BCOR: variants seen among roughly 807,000 people sequenced by gnomAD.
BCOR encodes BCL6 corepressor.
A neutral mutation model predicts 86.7 loss-of-function variants in BCOR; 10 were observed. The ratio of observed to expected loss-of-function variants is 0.12; its 90% CI spans 0.07 to 0.20. The LOEUF (loss-of-function observed/expected upper bound fraction) is 0.20, where lower values mean the gene tolerates loss of function less well. Ranked by LOEUF, BCOR falls within the 10% of genes least tolerant of loss-of-function variation. The pLI is 1.00. For synonymous variants in BCOR, 611 were observed against 609.0 expected (o/e 1.00, Z -0.05); for missense variants, 1,259 against 1,452.1 (o/e 0.87, Z 2.16).
chrX:40,094,190 C>T (rs1461383633), intron 1 of BCOR, among the ~76,000 whole-genome samples: 1 of 111,726 alleles, frequency 9.0e-6, no homozygotes, highest in Admixed American at 9.4e-5. Flanking sequence ...CTCGCTGGGC[C>T]CGGAGGCTAG....
chrX:40,062,668 T>C, intron 9 of BCOR, 78 bp downstream of exon 9: 1 of 978,261 alleles, frequency 1.0e-6, no homozygotes, highest in South Asian at 2.0e-5. Context: ...AGGAAAGCTT[T>C]GTCCCCTCAA....
At chrX:40,113,161 G>A (rs1410506134) in intron 1 of BCOR, among the ~76,000 whole-genome samples, 2 of 105,511 alleles carry the variant, frequency 1.9e-5, no homozygotes, top group Non-Finnish European at 3.8e-5. Flanking sequence ...CACCCGCAAC[G>A]TGGCAGCTAG....
rs928834900 is a variant in BCOR, at chrX:40,064,602, G to C, written c.3239-3C>G. On this transcript the variant is annotated splice_polypyrimidine_tract_variant and splice_region_variant and intron_variant, in intron 6 of 14. Coordinates refer to ENST00000378444, the MANE Select transcript of BCOR (RefSeq NM_001123385.2). Reference sequence around the variant, plus strand: ...CTTGTTTCCAACACTATACTCGCCTGGGGGAGGGGAGACAAGAGGGCATTA... The same window carrying C: ...CTTGTTTCCAACACTATACTCGCCTCGGGGAGGGGAGACAAGAGGGCATTA... The C allele has an allele frequency of 8.3e-7, 1 of 1,210,459 alleles. No homozygotes were observed. Among genetic ancestry groups the C allele is most frequent in the Non-Finnish European group, 1.1e-6 (1 of 895,020 alleles).
At chrX:40,142,351 G>T (rs1237087453) in intron 1 of BCOR, among the ~76,000 whole-genome samples, 1 of 112,143 alleles carries the variant, frequency 8.9e-6, no homozygotes, top group African/African-American at 3.2e-5. Flanking sequence ...TTAAAGCCCT[G>T]GTGGCTCTTG....
chrX:40,132,329 G>GT lies in BCOR; in HGVS notation c.-41+44677dup, dbSNP rs756415217. On this transcript the variant is annotated intron_variant, in intron 1 of 14. Transcript: ENST00000342274. ...TTGTGAACAAAATCAAAGAGTTGGG[G>GT]TTTTTTTTGTTTGTTTTTGAGACAG... Among the ~76,000 whole-genome samples the GT allele has an allele frequency of 2.8e-3, 307 of 111,456 alleles. 1 individual carries two copies. Among genetic ancestry groups the GT allele is most frequent in the African/African-American group, 9.5e-3 (291 of 30,696 alleles).
intron 1 of BCOR, among the ~76,000 whole-genome samples, chrX:40,143,280 C>T (rs1937963791): frequency 8.9e-6 from 1 of 112,096 alleles, no homozygotes; most frequent in Non-Finnish European, 1.9e-5. Flanking sequence ...CCCTCCCTGC[C>T]GCCTTTCCCT....
At chrX:40,161,534 C>CT (rs1397500318) in intron 1 of BCOR, among the ~76,000 whole-genome samples, 2 of 65,864 alleles carry the variant, frequency 3.0e-5, no homozygotes, top group Non-Finnish European at 5.2e-5. Flanking sequence ...TTTTTTGAGA[C>CT]TGAGTCTCGC....
chrX:40,171,821 C>A (rs1938627519), intron 1 of BCOR, among the ~76,000 whole-genome samples: 1 of 113,382 alleles, frequency 8.8e-6, no homozygotes, highest in Non-Finnish European at 1.9e-5. Flanking sequence ...TCTCGCTGCT[C>A]GTCACGCGAA....
At chrX:40,061,659 G>C (rs1934878779) in intron 10 of BCOR, among the ~76,000 whole-genome samples, 1 of 90,885 alleles carries the variant, frequency 1.1e-5, no homozygotes, top group African/African-American at 4.2e-5. Context: ...AGAGACCTTA[G>C]GTCTGCCCCA....
chrX:40,077,892 C>T lies in BCOR; in HGVS notation c.38G>A (p.Ser13Asn). Residue 13 changes from serine (S) to asparagine (N), a missense_variant, in exon 2 of 15, where the codon AGC (serine) becomes AAC (asparagine). Physicochemically the swap from Ser to Asn is conservative, Grantham distance 46 (BLOSUM62 1). Coordinates refer to ENST00000378444, the MANE Select transcript of BCOR (RefSeq NM_001123385.2). ...GCGGACCCTCTCGCTGTTCATCCAG[C>T]TGTGAACGTTCCCATACAGGGGGGT... ...SATPLYGNVH[S>N]WMNSERVRMC... 1.6e-6 allele frequency: 2 copies of T among 1,212,239 alleles called. No individual in the cohort carries two copies. The highest frequency in any genetic ancestry group is 2.2e-6 in the Non-Finnish European group (2 of 895,484).
At chrX:40,062,698 G>A (rs980033487) in intron 9 of BCOR, 48 bp downstream of exon 9, 4 of 1,119,125 alleles carry the variant, frequency 3.6e-6, no homozygotes, top group African/African-American at 3.6e-5. Flanking sequence ...CAGGCAGGCG[G>A]GGATGTGTTC....
chrX:40,133,272 G>A (rs1937621476), intron 1 of BCOR, among the ~76,000 whole-genome samples: 1 of 107,407 alleles, frequency 9.3e-6, no homozygotes, highest in South Asian at 4.0e-4. Context: ...TGAGTGGCTG[G>A]GATTACAGGC....
intron 1 of BCOR, among the ~76,000 whole-genome samples, chrX:40,171,056 C>T (rs960620073): frequency 8.9e-6 from 1 of 112,079 alleles, no homozygotes; most frequent in Admixed American, 9.4e-5. Context: ...CACTCGCCCC[C>T]ACAAATTTCT....
chrX:40,089,909 T>C (rs1936523295), intron 1 of BCOR, among the ~76,000 whole-genome samples: 1 of 111,896 alleles, frequency 8.9e-6, no homozygotes, highest in Non-Finnish European at 1.9e-5. Context: ...AGCAAGATGT[T>C]CTATTGGGCC....
chrX:40,062,268 C>T lies in BCOR; in HGVS notation c.4299G>A (p.Gln1433=), dbSNP rs2147008149. 12 of 1,211,042 alleles carry T rather than the reference C, an allele frequency of 9.9e-6. No individual in the cohort carries two copies. The highest frequency in any genetic ancestry group is 1.3e-5 in the Non-Finnish European group (12 of 895,231). ...CCTGAGGGGAACTTGAGCATGGCAGCTGTGTGGACTGGGAGGCTGGTAGCA... is the reference window on the plus strand; with the variant it reads ...CCTGAGGGGAACTTGAGCATGGCAGTTGTGTGGACTGGGAGGCTGGTAGCA... The part of the protein sequence containing the change: ...QQLLPASQST[Q]LPCSSSPQET... Residue 1433 remains glutamine (Q), a synonymous_variant, in exon 10 of 15, where the codon CAG becomes CAA. Transcript: ENST00000378444.
intron 1 of BCOR, among the ~76,000 whole-genome samples, chrX:40,080,607 C>T (rs1359696434): frequency 9.0e-6 from 1 of 111,479 alleles, no homozygotes; most frequent in Non-Finnish European, 1.9e-5. Flanking sequence ...TCAGCAAAGT[C>T]CACCTGGACT....
intron 1 of BCOR, among the ~76,000 whole-genome samples, chrX:40,108,654 G>C (rs892623088): frequency 8.8e-6 from 1 of 113,456 alleles, no homozygotes; most frequent in South Asian, 3.5e-4. Flanking sequence ...GCCCCTGGGA[G>C]AGCTTGAACA....
intron 1 of BCOR, among the ~76,000 whole-genome samples, chrX:40,106,532 C>T (rs926344939): frequency 9.0e-6 from 1 of 111,027 alleles, no homozygotes; most frequent in African/African-American, 3.3e-5. Flanking sequence ...AGCGCCCCTC[C>T]CCCGCCCGCG....
At chrX:40,131,601 C>T (rs935913973) in intron 1 of BCOR, among the ~76,000 whole-genome samples, 5 of 111,699 alleles carry the variant, frequency 4.5e-5, no homozygotes, top group Non-Finnish European at 9.4e-5. Context: ...GAGCCAAGAT[C>T]GCGCCATTGC....
Sources: gnomAD v4.1 joint callset for allele counts (sites outside exome capture counted in the v4.1 genomes callset) on GRCh38, gnomAD v4.1.1 for gene constraint, MANE v1.5 for transcripts, NCBI Gene and HGNC (gene_info 2026-07-23, HGNC 2026-07-21) for gene names.